SYNRG: variants seen among roughly 807,000 people sequenced by gnomAD.
SYNRG encodes AP1 gamma subunit binding protein 1.
Under a neutral mutation model 130.9 loss-of-function variants are expected in SYNRG, and 37 were observed. The ratio of observed to expected loss-of-function variants is 0.28; its 90% CI spans 0.22 to 0.37. The LOEUF (loss-of-function observed/expected upper bound fraction) is 0.37, where lower values mean the gene tolerates loss of function less well. Among genes scored for constraint, SYNRG ranks in the 10% least tolerant of loss-of-function variants. The pLI is 1.00. For missense variants in SYNRG, 1,338 were observed against 1,588.9 expected, an observed-to-expected ratio of 0.84 and a Z score of 2.68; for synonymous variants, 539 against 568.1, an observed-to-expected ratio of 0.95 and a Z score of 0.73.
intron 14 of SYNRG, among the ~76,000 whole-genome samples, chr17:37,550,264 ATTTAAG>A (rs2058610146): frequency 2.0e-5 from 3 of 152,200 alleles, no homozygotes; most frequent in South Asian, 4.1e-4. Flanking sequence ...GTTTATTCTT[ATTTAAG>A]TTTAATTTTC....
At chr17:37,528,613 T>A (rs1167719848) in intron 19 of SYNRG, among the ~76,000 whole-genome samples, 1 of 152,234 alleles carries the variant, frequency 6.6e-6, no homozygotes, top group Non-Finnish European at 1.5e-5. Context: ...CTCTTTCTAA[T>A]AATGATTTCT....
rs3110627 is a variant in SYNRG, at chr17:37,534,251, T to C, written c.3666+1728A>G. Among the ~76,000 whole-genome samples the C allele has an allele frequency of 5.4e-3, 823 of 152,194 alleles. 7 individuals are homozygous for C. The highest frequency in any genetic ancestry group is 0.019 in the African/African-American group (797 of 41,536). The stretch of plus-strand genomic sequence containing the variant: ...AGCCACCATGCCCAGCCTAATTTCA[T>C]CATATTTTCTAACTACTAATAATAT... On this transcript the variant is annotated intron_variant, in intron 19 of 21. Transcript: ENST00000612223.
intron 18 of SYNRG, 65 bp downstream of exon 18, chr17:37,538,259 A>G: frequency 1.6e-6 from 2 of 1,238,890 alleles, no homozygotes; most frequent in Non-Finnish European, 2.3e-6. Context: ...TAAAATAATT[A>G]AAGGGAAAAC....
chr17:37,527,324 G>GAC (rs1486312073), intron 19 of SYNRG, among the ~76,000 whole-genome samples: 1 of 152,186 alleles, frequency 6.6e-6, no homozygotes, highest in African/African-American at 2.4e-5. Flanking sequence ...TAAAACCTTA[G>GAC]ATGACAAGTC....
chr17:37,571,563 C>A (rs920485522), intron 9 of SYNRG, among the ~76,000 whole-genome samples: 2 of 152,164 alleles, frequency 1.3e-5, no homozygotes, highest in African/African-American at 4.8e-5. Context: ...GCCTGGGCAA[C>A]AGAATGAGAC....
At chr17:37,547,118 A>C (rs1191587237) in intron 14 of SYNRG, among the ~76,000 whole-genome samples, 1 of 152,204 alleles carries the variant, frequency 6.6e-6, no homozygotes, top group African/African-American at 2.4e-5. Flanking sequence ...TCTGTATGAA[A>C]ATTTCTTGTT....
intron 11 of SYNRG, among the ~76,000 whole-genome samples, chr17:37,563,538 A>G (rs1014939734): frequency 6.6e-6 from 1 of 151,968 alleles, no homozygotes; most frequent in Non-Finnish European, 1.5e-5. Context: ...TTATTTATTT[A>G]TTTTTTTGAG....
At chr17:37,523,545 A>C (rs1372257727) in intron 19 of SYNRG, among the ~76,000 whole-genome samples, 1 of 152,236 alleles carries the variant, frequency 6.6e-6, no homozygotes, top group Non-Finnish European at 1.5e-5. Context: ...GCAAGCCAGT[A>C]AGAACTGGAT....
At chr17:37,556,576 G>A (rs1598321925) in intron 13 of SYNRG, among the ~76,000 whole-genome samples, 2 of 148,644 alleles carry the variant, frequency 1.3e-5, no homozygotes, top group African/African-American at 2.4e-5. Flanking sequence ...AACAATACAA[G>A]CTAATTTTTC....
At chr17:37,529,686 T>A in intron 19 of SYNRG, 1 of 1,173,226 alleles carries the variant, frequency 8.5e-7, no homozygotes, top group Non-Finnish European at 1.2e-6. Flanking sequence ...AGGAGCTACC[T>A]CAAGAAGTAA....
At chr17:37,544,507 G>T (rs1232948730) in intron 14 of SYNRG, among the ~76,000 whole-genome samples, 2 of 152,030 alleles carry the variant, frequency 1.3e-5, no homozygotes, top group Non-Finnish European at 2.9e-5. Context: ...TAGAGACGGG[G>T]TTTCACCATG....
intron 13 of SYNRG, among the ~76,000 whole-genome samples, chr17:37,554,662 T>C (rs2058970135): frequency 6.6e-6 from 1 of 152,124 alleles, no homozygotes; most frequent in Non-Finnish European, 1.5e-5. Context: ...TTTGAAAAGG[T>C]ATCTATTTAT....
chr17:37,601,681 T>C (rs1203811018), intron 1 of SYNRG, among the ~76,000 whole-genome samples: 2 of 152,114 alleles, frequency 1.3e-5, no homozygotes, highest in Admixed American at 1.3e-4. Flanking sequence ...TTTTATTTTT[T>C]TGAGACGGAG....
intron 6 of SYNRG, among the ~76,000 whole-genome samples, chr17:37,578,840 G>A (rs937547864): frequency 2.4e-4 from 36 of 152,118 alleles, no homozygotes; most frequent in African/African-American, 3.9e-4. Flanking sequence ...AAATGATATC[G>A]GTGAATCTCC....
chr17:37,542,504 T>C lies in SYNRG; in HGVS notation c.2670A>G (p.Thr890=). ...GSYSSNFAVS[T]LTSYDWSDRD... is the part of the protein sequence containing the mutation. ...TGTCTGACCAGTCATAGCTTGTAAGTGTGCTCACTGCAAAATTGCTACTGT... is the reference window on the plus strand; with the variant it reads ...TGTCTGACCAGTCATAGCTTGTAAGCGTGCTCACTGCAAAATTGCTACTGT... Residue 890 remains threonine (T), a synonymous_variant, in exon 15 of 22, where the codon ACA becomes ACG. Transcript: ENST00000612223. 3 of 1,613,462 alleles carry C rather than the reference T, an allele frequency of 1.9e-6. No homozygotes were observed. Among genetic ancestry groups the C allele is most frequent in the Non-Finnish European group, 1.7e-6 (2 of 1,180,032 alleles).
At chr17:37,530,628 G>T (rs1450928441) in intron 19 of SYNRG, among the ~76,000 whole-genome samples, 1 of 152,214 alleles carries the variant, frequency 6.6e-6, no homozygotes, top group African/African-American at 2.4e-5. Context: ...CCTTGGATTA[G>T]TCATCATAAC....
chr17:37,518,868 CTATT>C lies in SYNRG; in HGVS notation c.*68_*71del. 1 of 1,574,550 alleles carries C rather than the reference CTATT, an allele frequency of 6.4e-7. No homozygotes were observed. Among genetic ancestry groups the C allele is most frequent in the South Asian group, 1.2e-5 (1 of 85,396 alleles). ...AAGCGAACTGTGCAGTGCTCGCATTCTATTTATTGGTCCCTGTCACCCCGTGGGG... is the reference window on the plus strand; with the variant it reads ...AAGCGAACTGTGCAGTGCTCGCATTCTATTGGTCCCTGTCACCCCGTGGGG... On this transcript the variant is annotated 3_prime_UTR_variant, in exon 22 of 22. Transcript: ENST00000612223.
intron 19 of SYNRG, chr17:37,529,889 T>A (rs1197270924): frequency 6.5e-7 from 1 of 1,541,092 alleles, no homozygotes; most frequent in African/African-American, 1.4e-5. Flanking sequence ...TTGGGGGTTG[T>A]ATAGAAATCT....
chr17:37,541,557 G>T, intron 15 of SYNRG: 1 of 178,754 alleles, frequency 5.6e-6, no homozygotes. Context: ...TCTTTTGTGT[G>T]GGTCAATGTG....
Sources: gnomAD v4.1 joint callset for allele counts (sites outside exome capture counted in the v4.1 genomes callset) on GRCh38, gnomAD v4.1.1 for gene constraint, MANE v1.5 for transcripts, NCBI Gene and HGNC (gene_info 2026-07-23, HGNC 2026-07-21) for gene names.